MUSK: variants seen among roughly 807,000 people sequenced by gnomAD.
The protein encoded by MUSK is muscle, skeletal receptor tyrosine-protein kinase.
In MUSK, 55 loss-of-function variants were observed where a neutral mutation model predicts 88.7. The observed-to-expected ratio is 0.62, with a 90% CI of 0.50 to 0.78. MUSK has a LOEUF of 0.78. MUSK is among the 30% of genes least tolerant of loss of function. The probability of loss-of-function intolerance (pLI) is 0.00; values close to 1 mark genes in which losing one functional copy is unlikely to be tolerated. For synonymous variants in MUSK, 387 were observed against 391.9 expected, an observed-to-expected ratio of 0.99 and a Z score of 0.15; for missense variants, 1,015 against 1,074.3, an observed-to-expected ratio of 0.94 and a Z score of 0.77.
At chr9:110,714,895 G>GTTCTTCTATCTGGTCTTTTTA (rs1554742400) in intron 5 of MUSK, among the ~76,000 whole-genome samples, 1 of 151,380 alleles carries the variant, frequency 6.6e-6, no homozygotes, top group South Asian at 2.1e-4. Context: ...CTATTTAAGA[G>GTTCTTCTATCTGGTCTTTTTA]CAGATTCAAA....
At chr9:110,722,683 G>T (rs1343040547) in intron 5 of MUSK, among the ~76,000 whole-genome samples, 1 of 150,694 alleles carries the variant, frequency 6.6e-6, no homozygotes, top group African/African-American at 2.4e-5. Flanking sequence ...AATCTACAAA[G>T]AACTGAAACA....
At chr9:110,797,175 A>T (rs2078019502) in intron 14 of MUSK, among the ~76,000 whole-genome samples, 1 of 140,134 alleles carries the variant, frequency 7.1e-6, no homozygotes. Flanking sequence ...AAAAAAAAAA[A>T]AAAAAAAAAA....
chr9:110,686,827 T>C (rs982484708), intron 2 of MUSK, among the ~76,000 whole-genome samples: 1 of 152,188 alleles, frequency 6.6e-6, no homozygotes, highest in South Asian at 2.1e-4. Context: ...TGGTTTTATA[T>C]GCTTTTCTGA....
chr9:110,750,706 C>G (rs912859766), intron 7 of MUSK, among the ~76,000 whole-genome samples: 6 of 152,150 alleles, frequency 3.9e-5, no homozygotes, highest in Non-Finnish European at 7.4e-5. Flanking sequence ...TAACTCAGTT[C>G]TGCTGTCTGC....
At chr9:110,736,769 AT>A (rs765513013) in intron 6 of MUSK, among the ~76,000 whole-genome samples, 1 of 152,008 alleles carries the variant, frequency 6.6e-6, no homozygotes, top group Non-Finnish European at 1.5e-5. Flanking sequence ...AGATGAAGGT[AT>A]TTTCCTCCAA....
At chr9:110,743,004 T>C (rs139173818) in intron 6 of MUSK, among the ~76,000 whole-genome samples, 1 of 152,354 alleles carries the variant, frequency 6.6e-6, no homozygotes, top group East Asian at 1.9e-4. Context: ...CAGAGAATCC[T>C]ATAGTCCTGA....
chr9:110,734,903 A>G (rs1373012784), intron 6 of MUSK, among the ~76,000 whole-genome samples: 4 of 152,108 alleles, frequency 2.6e-5, no homozygotes, highest in Non-Finnish European at 5.9e-5. Context: ...TCTGAACATC[A>G]AACACTATTC....
At chr9:110,746,631 A>G (rs1024121657) in intron 6 of MUSK, among the ~76,000 whole-genome samples, 13 of 152,132 alleles carry the variant, frequency 8.5e-5, no homozygotes, top group African/African-American at 2.9e-4. Flanking sequence ...TATTGCATTG[A>G]TATCTTGGCT....
At chr9:110,746,079 A>G (rs1263130157) in intron 6 of MUSK, among the ~76,000 whole-genome samples, 3 of 152,122 alleles carry the variant, frequency 2.0e-5, no homozygotes, top group Admixed American at 6.5e-5. Context: ...CTAATACTGG[A>G]CACAGGAATC....
At chr9:110,767,753 A>C (rs755300514) in intron 8 of MUSK, 67 bp from the exon 9 acceptor site, 1 of 1,596,888 alleles carries the variant, frequency 6.3e-7, no homozygotes, top group Non-Finnish European at 8.6e-7. Flanking sequence ...CCAAAAAAAA[A>C]AAGAAAAGCA....
At chr9:110,681,301 AACT>A (rs2076134177) in intron 1 of MUSK, among the ~76,000 whole-genome samples, 1 of 147,134 alleles carries the variant, frequency 6.8e-6, no homozygotes, top group South Asian at 2.1e-4. Context: ...TTCTTATTTC[AACT>A]ACTATGTTTC....
intron 5 of MUSK, 106 bp downstream of exon 5, chr9:110,697,572 C>A: frequency 8.5e-7 from 1 of 1,178,472 alleles, no homozygotes; most frequent in Non-Finnish European, 1.1e-6. Flanking sequence ...CAGCCCACTT[C>A]CCTCAGTTGT....
intron 5 of MUSK, among the ~76,000 whole-genome samples, chr9:110,702,668 G>A (rs1391163546): frequency 6.6e-6 from 1 of 152,036 alleles, no homozygotes; most frequent in Non-Finnish European, 1.5e-5. Flanking sequence ...CAGCACATTG[G>A]GAGGCTGATG....
intron 5 of MUSK, among the ~76,000 whole-genome samples, chr9:110,701,692 TTA>T (rs1468816602): frequency 0.37 from 70 of 190 alleles, 9 homozygotes; most frequent in Admixed American, 0.5. Flanking sequence ...TTACTTTACT[TTA>T]TTTTATTTTA....
intron 8 of MUSK, among the ~76,000 whole-genome samples, chr9:110,763,939 A>T (rs1759849187): frequency 6.6e-6 from 1 of 152,190 alleles, no homozygotes; most frequent in Non-Finnish European, 1.5e-5. Flanking sequence ...AGAATTCTTT[A>T]CCTACTCCCT....
intron 2 of MUSK, among the ~76,000 whole-genome samples, chr9:110,685,831 T>C (rs980190204): frequency 1.3e-5 from 2 of 152,158 alleles, no homozygotes; most frequent in Non-Finnish European, 2.9e-5. Flanking sequence ...AACAGTCTCT[T>C]TGAGGAAATA....
At chr9:110,726,885 C>T (rs2131820030) in intron 5 of MUSK, among the ~76,000 whole-genome samples, 1 of 152,140 alleles carries the variant, frequency 6.6e-6, no homozygotes, top group Admixed American at 6.6e-5. Flanking sequence ...AGTCATGGAC[C>T]TTCTTTCATT....
chr9:110,753,662 G>A (rs528463655), intron 7 of MUSK, among the ~76,000 whole-genome samples: 28 of 151,940 alleles, frequency 1.8e-4, no homozygotes, highest in African/African-American at 6.8e-4. Context: ...TTTCTATATT[G>A]CCCCTTCTTT....
chr9:110,749,279 C>T (rs2077217724), intron 7 of MUSK, among the ~76,000 whole-genome samples: 1 of 152,104 alleles, frequency 6.6e-6, no homozygotes, highest in Non-Finnish European at 1.5e-5. Flanking sequence ...TGGCTGTATT[C>T]TATTGCAGAA....
Sources: gnomAD v4.1 joint callset for allele counts (sites outside exome capture counted in the v4.1 genomes callset) on GRCh38, gnomAD v4.1.1 for gene constraint, MANE v1.5 for transcripts, NCBI Gene and HGNC (gene_info 2026-07-23, HGNC 2026-07-21) for gene names.